NIM1K: variants seen among roughly 807,000 people sequenced by gnomAD.
The protein encoded by NIM1K is NIM1 serine/threonine protein kinase.
NIM1K carries 35 observed loss-of-function variants against 37.1 expected under a neutral mutation model. The observed-to-expected ratio is 0.94, with a 90% CI of 0.72 to 1.25. The LOEUF is 1.25. NIM1K is among the 50% of genes most tolerant of loss of function. The pLI is 0.00. For synonymous variants in NIM1K, 234 were observed against 206.6 expected (o/e 1.13, Z -1.14); for missense variants, 564 against 548.0 (o/e 1.03, Z -0.29).
chr5:43,246,974 AC>A (rs1172808101), intron 2 of NIM1K, among the ~76,000 whole-genome samples: 2 of 152,094 alleles, frequency 1.3e-5, no homozygotes, highest in African/African-American at 4.8e-5. Flanking sequence ...TCCCTGATTG[AC>A]ATTTTCTCTG....
intron 1 of NIM1K, chr5:43,207,896 A>G (rs149951005): frequency 1.3e-5 from 4 of 305,884 alleles, no homozygotes; most frequent in African/African-American, 9.0e-5. Flanking sequence ...GAGTCAGGCA[A>G]TTGATTGTGA....
At chr5:43,242,327 T>C (rs1189353258) in intron 1 of NIM1K, among the ~76,000 whole-genome samples, 2 of 150,646 alleles carry the variant, frequency 1.3e-5, no homozygotes, top group Non-Finnish European at 3.0e-5. Flanking sequence ...ATCAGGAGAG[T>C]TGGGGAACAG....
chr5:43,265,953 A>G (rs142822746), intron 2 of NIM1K, among the ~76,000 whole-genome samples: 4,887 of 152,300 alleles, frequency 0.032, 290 homozygotes, highest in African/African-American at 0.11. Flanking sequence ...ATTGCAGAAT[A>G]GCAAATGTTG....
intron 1 of NIM1K, among the ~76,000 whole-genome samples, chr5:43,228,792 C>T (rs1413502977): frequency 6.6e-6 from 1 of 152,002 alleles, no homozygotes; most frequent in Non-Finnish European, 1.5e-5. Context: ...GATCGTTCCA[C>T]TGTACTCCAG....
chr5:43,280,163 G>A lies in NIM1K; in HGVS notation c.745G>A (p.Gly249Ser), dbSNP rs911751195. Residue 249 changes from glycine to serine, a missense_variant, in exon 4 of 4, where the codon GGC becomes AGC. Transcript: ENST00000326035. Reference sequence around the variant, plus strand: ...ACTCTTCCGGGACGAGCACTACATCGGCATTTACGTGGATATCTGGGCCTT... The same window carrying A: ...ACTCTTCCGGGACGAGCACTACATCAGCATTTACGTGGATATCTGGGCCTT... ...PELFRDEHYI[G>S]IYVDIWALGV... is the part of the protein sequence containing the mutation. 3 of 1,614,008 alleles carry A rather than the reference G, an allele frequency of 1.9e-6. No individual in the cohort carries two copies. Among genetic ancestry groups the A allele is most frequent in the South Asian group, 1.1e-5 (1 of 91,080 alleles).
Position 43,245,876 on chromosome 5 carries a change from G to C in NIM1K, c.101G>C (p.Ser34Thr). 6.2e-7 allele frequency: 1 copy of C among 1,614,130 alleles called. No individual in the cohort carries two copies. Among genetic ancestry groups the C allele is most frequent in the Non-Finnish European group, 8.5e-7 (1 of 1,180,012 alleles). Residue 34 changes from serine to threonine, a missense_variant, in exon 2 of 4, where the codon AGC (serine) becomes ACC (threonine). Transcript: ENST00000326035. ...GAAAGTGGCTGTCAGACCGAGAGTA[G>C]CAAGGAGGGTGAGGAGGGACAGCCC... ...SVESGCQTES[S>T]KEGEEGQPRQ...
chr5:43,277,046 T>C lies in NIM1K; in HGVS notation c.293-11T>C, dbSNP rs901041095. 1.2e-6 allele frequency: 2 copies of C among 1,612,262 alleles called. No individual in the cohort carries two copies. The highest frequency in any genetic ancestry group is 2.2e-5 in the East Asian group (1 of 44,878). ...GAATTCTGGCACAATTTTTACTTTT[T>C]TTCCTTGCAGAAAAGGTGGCCATTA... On this transcript the variant is annotated splice_polypyrimidine_tract_variant and intron_variant, in intron 2 of 3. Transcript: ENST00000326035.
intron 1 of NIM1K, chr5:43,231,684 A>C: frequency 4.0e-6 from 2 of 501,852 alleles, no homozygotes; most frequent in Non-Finnish European, 7.4e-6. Flanking sequence ...GTTTTAAAGC[A>C]TAGGTCAGTA....
intron 2 of NIM1K, among the ~76,000 whole-genome samples, chr5:43,267,645 T>G (rs1753185339): frequency 6.6e-6 from 1 of 152,214 alleles, no homozygotes; most frequent in Non-Finnish European, 1.5e-5. Context: ...TTTTGACAAC[T>G]GTGTCATATT....
chr5:43,255,591 A>G (rs1752930981), intron 2 of NIM1K, among the ~76,000 whole-genome samples: 1 of 152,026 alleles, frequency 6.6e-6, no homozygotes, highest in Non-Finnish European at 1.5e-5. Flanking sequence ...TCTACTAAAA[A>G]TACAAAAATT....
At chr5:43,277,919 C>T (rs1753374712) in intron 3 of NIM1K, among the ~76,000 whole-genome samples, 2 of 151,716 alleles carry the variant, frequency 1.3e-5, no homozygotes, top group Non-Finnish European at 2.9e-5. Flanking sequence ...GCCTCTGTGC[C>T]CAGTAGATTA....
chr5:43,224,100 G>A (rs1366585743), intron 1 of NIM1K, among the ~76,000 whole-genome samples: 1 of 147,138 alleles, frequency 6.8e-6, no homozygotes, highest in South Asian at 2.1e-4. Context: ...ACGGGGTCTT[G>A]CTATATTGCC....
intron 1 of NIM1K, among the ~76,000 whole-genome samples, chr5:43,223,895 T>G (rs1186865928): frequency 2.0e-5 from 3 of 152,200 alleles, no homozygotes; most frequent in Non-Finnish European, 4.4e-5. Flanking sequence ...CTAATGTGAA[T>G]GTATGAGCCT....
chr5:43,210,574 G>C (rs1752189110), intron 1 of NIM1K, among the ~76,000 whole-genome samples: 3 of 152,206 alleles, frequency 2.0e-5, no homozygotes, highest in African/African-American at 7.2e-5. Context: ...CAGAGGGACA[G>C]AGACTTGGAG....
chr5:43,243,154 C>A (rs1407445933), intron 1 of NIM1K, among the ~76,000 whole-genome samples: 2 of 152,150 alleles, frequency 1.3e-5, no homozygotes, highest in East Asian at 3.8e-4. Flanking sequence ...ACAAGGACAG[C>A]ACAGTAATGA....
chr5:43,247,477 C>G (rs536366944), intron 2 of NIM1K, among the ~76,000 whole-genome samples: 1 of 152,302 alleles, frequency 6.6e-6, no homozygotes, highest in South Asian at 2.1e-4. Flanking sequence ...CCTGCCCATC[C>G]CAATACACAA....
intron 1 of NIM1K, among the ~76,000 whole-genome samples, chr5:43,231,363 A>T (rs1276512496): frequency 1.3e-5 from 2 of 152,042 alleles, no homozygotes; most frequent in Admixed American, 6.6e-5. Flanking sequence ...TAAATGTATA[A>T]TTTTCTTATG....
At position 43,280,809 on chromosome 5, in the gene NIM1K, C is replaced by T. The variant is rs1011762939; in HGVS notation, c.*80C>T. 10 of 1,285,008 alleles carry T rather than the reference C, an allele frequency of 7.8e-6. No individual in the cohort carries two copies. The Admixed American group carries it at 9.7e-5, about 13-fold the overall frequency. 79.6% of individuals were successfully genotyped at this position (1,285,008 alleles called of 1,614,324 possible). On this transcript the variant is annotated 3_prime_UTR_variant, in exon 4 of 4. Coordinates refer to ENST00000326035, the MANE Select transcript of NIM1K (RefSeq NM_153361.4). ...TTTTCAAGGACAACTTGAGTGGAGA[C>T]ATTTTTGTAATTTTTAAATAAACTT...
intron 2 of NIM1K, among the ~76,000 whole-genome samples, chr5:43,249,053 T>C (rs1012697485): frequency 6.9e-6 from 1 of 144,302 alleles, no homozygotes; most frequent in Non-Finnish European, 1.5e-5. Context: ...TTTTTATTTA[T>C]TTATTTATTT....
Sources: gnomAD v4.1 joint callset for allele counts (sites outside exome capture counted in the v4.1 genomes callset) on GRCh38, gnomAD v4.1.1 for gene constraint, MANE v1.5 for transcripts, NCBI Gene and HGNC (gene_info 2026-07-23, HGNC 2026-07-21) for gene names.